SHISA9: variants seen among roughly 807,000 people sequenced by gnomAD.
SHISA9 encodes protein shisa-9.
Under a neutral mutation model 38.0 loss-of-function variants are expected in SHISA9, and 13 were observed. The observed-to-expected ratio is 0.34, with a 90% CI of 0.22 to 0.54. The LOEUF (loss-of-function observed/expected upper bound fraction) is 0.54, where lower values mean the gene tolerates loss of function less well. SHISA9 is among the 20% of genes least tolerant of loss of function. The pLI is 0.91. For missense variants in SHISA9, 538 were observed against 575.8 expected (o/e 0.93, Z 0.67); for synonymous variants, 275 against 242.0 (o/e 1.14, Z -1.27).
chr16:13,118,844 C>G (rs1279928507), intron 2 of SHISA9, among the ~76,000 whole-genome samples: 1 of 150,680 alleles, frequency 6.6e-6, no homozygotes, highest in Non-Finnish European at 1.5e-5. Flanking sequence ...ATTTTCCTTC[C>G]TCAGCCTCCA....
At chr16:13,129,992 TA>T in intron 2 of SHISA9, among the ~76,000 whole-genome samples, 1 of 152,308 alleles carries the variant, frequency 6.6e-6, no homozygotes, top group Admixed American at 6.5e-5. Flanking sequence ...TCTTCGCCAT[TA>T]GTAGCAGTCA....
At chr16:13,218,377 C>T (rs1264243125) in intron 4 of SHISA9, among the ~76,000 whole-genome samples, 3 of 152,206 alleles carry the variant, frequency 2.0e-5, no homozygotes, top group Middle Eastern at 3.2e-3. Flanking sequence ...TAATCCCCCA[C>T]CCTAGATGCA....
intron 2 of SHISA9, among the ~76,000 whole-genome samples, chr16:13,003,839 C>A (rs2072557425): frequency 6.6e-6 from 1 of 150,612 alleles, no homozygotes; most frequent in African/African-American, 2.5e-5. Context: ...ACCTGGACGA[C>A]AGAGCGAGAC....
chr16:12,943,283 G>C, intron 2 of SHISA9, among the ~76,000 whole-genome samples: 1 of 64,988 alleles, frequency 1.5e-5, no homozygotes, highest in African/African-American at 6.7e-5. Context: ...TGGTGTGTGT[G>C]TGTGTGTGTG....
chr16:13,003,862 T>C (rs997174361), intron 2 of SHISA9, among the ~76,000 whole-genome samples: 1 of 122,284 alleles, frequency 8.2e-6, no homozygotes, highest in African/African-American at 3.7e-5. Context: ...CGTCTCAAAA[T>C]AATAATAATA....
intron 2 of SHISA9, among the ~76,000 whole-genome samples, chr16:13,091,197 G>C (rs1312263920): frequency 2.0e-5 from 3 of 152,140 alleles, no homozygotes; most frequent in Non-Finnish European, 4.4e-5. Flanking sequence ...TCCCTTTGTG[G>C]GTAACTCGAC....
the SHISA9 span, among the ~76,000 whole-genome samples, chr16:13,286,017 A>G: frequency 1.2e-4 from 18 of 152,300 alleles, no homozygotes; most frequent in Admixed American, 1.0e-3. Context: ...AGGGTATTCT[A>G]TTCAAAGCTC....
intron 2 of SHISA9, among the ~76,000 whole-genome samples, chr16:13,130,680 CT>C (rs532560613): frequency 3.1e-4 from 47 of 152,236 alleles, no homozygotes; most frequent in African/African-American, 1.0e-3. Flanking sequence ...ACTTAGCAGA[CT>C]TTTTCTGTAC....
intron 3 of SHISA9, among the ~76,000 whole-genome samples, chr16:13,205,487 G>C (rs1284829165): frequency 6.6e-6 from 1 of 152,178 alleles, no homozygotes; most frequent in African/African-American, 2.4e-5. Flanking sequence ...GAGCCAAACA[G>C]ATGTGAGTTC....
At chr16:13,554,173 C>T in the SHISA9 span, among the ~76,000 whole-genome samples, 3 of 152,008 alleles carry the variant, frequency 2.0e-5, no homozygotes, top group South Asian at 2.1e-4. Flanking sequence ...AGAGTCTCTT[C>T]CTCACCTCCA....
chr16:13,296,217 G>GTT, the SHISA9 span, among the ~76,000 whole-genome samples: 5 of 140,680 alleles, frequency 3.6e-5, no homozygotes, highest in African/African-American at 1.0e-4. Flanking sequence ...CTGCTTTTTT[G>GTT]TTTTTTTTTT....
intron 2 of SHISA9, 81 bp from the exon 3 acceptor site, chr16:13,203,313 C>G: frequency 7.6e-7 from 1 of 1,319,276 alleles, no homozygotes; most frequent in East Asian, 2.8e-5. Flanking sequence ...GAGTTTTGGT[C>G]TCCAGTGATG....
At chr16:13,277,431 GT>G in the SHISA9 span, among the ~76,000 whole-genome samples, 5 of 149,938 alleles carry the variant, frequency 3.3e-5, no homozygotes, top group Admixed American at 2.7e-4. Flanking sequence ...TTTTAGAATT[GT>G]TTTTTTTTCT....
At chr16:13,260,007 C>CCTTT in the SHISA9 span, among the ~76,000 whole-genome samples, 10 of 60,420 alleles carry the variant, frequency 1.7e-4, no homozygotes, top group African/African-American at 5.9e-4. Context: ...TTCTTTCTTT[C>CCTTT]TTTTTTTTTT....
the SHISA9 span, among the ~76,000 whole-genome samples, chr16:13,260,170 C>T: frequency 6.6e-5 from 10 of 151,602 alleles, no homozygotes; most frequent in Admixed American, 6.6e-4. Flanking sequence ...GCACCCACCA[C>T]CATGCCCAGC....
At chr16:13,432,546 C>T in the SHISA9 span, among the ~76,000 whole-genome samples, 200 of 152,194 alleles carry the variant, frequency 1.3e-3, 2 homozygotes, top group African/African-American at 4.7e-3. Flanking sequence ...TTGACACAAC[C>T]CAAATTTAAC....
intron 2 of SHISA9, among the ~76,000 whole-genome samples, chr16:13,033,745 G>A (rs963765): frequency 1 from 152,311 of 152,312 alleles, 76,155 homozygotes; most frequent in Non-Finnish European, 1. Context: ...AGATGTCCAT[G>A]ATAAGGAAGT....
rs565452407 is a variant in SHISA9 at position 13,059,816 on chromosome 16, G to A, written c.691+143001G>A. On this transcript the variant is annotated intron_variant, in intron 2 of 4. Coordinates refer to ENST00000558583, the MANE Select transcript of SHISA9 (RefSeq NM_001145204.3). ...ATGTTCTTACAAAAGGGGAGGTTTG[G>A]ACAAAGGAAAGGTGATGTGAAGAGA... 2.3e-4 allele frequency among the ~76,000 whole-genome samples: 35 copies of A among 152,198 alleles called. No individual in the cohort carries two copies. The South Asian group carries it at 2.9e-3, about 13-fold the overall frequency.
chr16:13,409,287 A>C, the SHISA9 span, among the ~76,000 whole-genome samples: 1 of 152,178 alleles, frequency 6.6e-6, no homozygotes, highest in Admixed American at 6.5e-5. Flanking sequence ...CCCTGCATTC[A>C]TCCTTCAAGT....
Sources: allele counts gnomAD v4.1 joint callset (sites outside exome capture counted in the v4.1 genomes callset), GRCh38; gene constraint gnomAD v4.1.1; transcripts MANE v1.5; gene names NCBI Gene and HGNC (gene_info 2026-07-23, HGNC 2026-07-21).